The following PSORS1C1 variants were observed in gnomAD, a reference collection of about 807,000 sequenced individuals.
The protein encoded by PSORS1C1 is psoriasis susceptibility 1 candidate gene 1 protein.
PSORS1C1 carries 7 observed loss-of-function variants against 9.4 expected under a neutral mutation model. The observed-to-expected ratio is 0.75, with a 90% CI of 0.42 to 1.40. The LOEUF (loss-of-function observed/expected upper bound fraction) is 1.40. PSORS1C1 is among the 40% of genes most tolerant of loss of function. PSORS1C1 has a pLI of 0.01. For synonymous variants in PSORS1C1, 63 were observed against 69.4 expected (o/e 0.91, Z 0.46); for missense variants, 146 against 178.1 (o/e 0.82, Z 1.02).
chr6:31,117,591 T>C, intron 1 of PSORS1C1: 1 of 1,423,800 alleles, frequency 7.0e-7, no homozygotes, highest in Non-Finnish European at 9.7e-7. Flanking sequence ...CTCACCTTTC[T>C]GCCTTATCTC....
chr6:31,122,895 A>G (rs3094208), intron 1 of PSORS1C1, among the ~76,000 whole-genome samples: 66,070 of 151,866 alleles, frequency 0.44, 15,888 homozygotes, highest in African/African-American at 0.65. Flanking sequence ...CACTGGGGTA[A>G]TGAGGGGAGT....
chr6:31,138,809 G>GT, intron 5 of PSORS1C1, 30 bp downstream of exon 5: 1 of 1,613,798 alleles, frequency 6.2e-7, no homozygotes, highest in Non-Finnish European at 8.5e-7. Context: ...TCTGCACCAT[G>GT]TCCCCCACCC....
At chr6:31,132,855 A>AAAG (rs1772978922) in intron 3 of PSORS1C1, among the ~76,000 whole-genome samples, 1 of 151,878 alleles carries the variant, frequency 6.6e-6, no homozygotes, top group African/African-American at 2.4e-5. Flanking sequence ...TCTTAAAAAA[A>AAAG]AAAAAAAGTA....
chr6:31,139,738 G>T lies in PSORS1C1; in HGVS notation c.265G>T (p.Val89Phe), dbSNP rs562908100. ...AGGAAGGACACAGGAGGATATCCTGGTTCCCTCTTCCCACCCAGAGCTGTT... is the reference window on the plus strand; with the variant it reads ...AGGAAGGACACAGGAGGATATCCTGTTTCCCTCTTCCCACCCAGAGCTGTT... ...RKGRTQEDILVPSSHPELFAS... is the reference protein window; with the variant it reads ...RKGRTQEDILFPSSHPELFAS... Residue 89 changes from valine (V) to phenylalanine (F), a missense_variant, in exon 6 of 6, where the codon GTT (valine) becomes TTT (phenylalanine). Val to Phe is a conservative substitution (Grantham distance 50). Transcript: ENST00000259881. The surrounding 1 kb of genome is among the most constrained non-coding windows in gnomAD (Gnocchi z 5.2). 2.5e-6 allele frequency: 4 copies of T among 1,613,070 alleles called. No individual in the cohort carries two copies. Among genetic ancestry groups the T allele is most frequent in the Admixed American group, 1.7e-5 (1 of 60,022 alleles).
rs117951780 is a variant in PSORS1C1, at chr6:31,116,257, C to A, written c.-229+1366C>A. ...AGACATGCAAGGGTGACCAGAAGAG[C>A]TGGACTTGCTGCCACAAGGCTGAAG... On this transcript the variant is annotated intron_variant, in intron 1 of 5. Coordinates refer to ENST00000259881, the MANE Select transcript of PSORS1C1 (RefSeq NM_014068.3). 9 of 1,613,952 alleles carry A rather than the reference C, an allele frequency of 5.6e-6. No homozygotes were observed. In the Admixed American group the frequency reaches 1.2e-4, roughly 21 times the overall value.
chr6:31,138,130 C>T, intron 3 of PSORS1C1: 1 of 1,605,610 alleles, frequency 6.2e-7, no homozygotes, highest in Non-Finnish European at 8.5e-7. Flanking sequence ...ACTCCAGTTT[C>T]AGGCAGGTCT....
intron 1 of PSORS1C1, chr6:31,116,201 C>T (rs1772104187): frequency 2.5e-6 from 4 of 1,613,462 alleles, no homozygotes; most frequent in Admixed American, 1.7e-5. Context: ...GGAGAGCCAT[C>T]GGGGCCCCCA....
chr6:31,127,749 G>T (rs1249374800), intron 2 of PSORS1C1, among the ~76,000 whole-genome samples: 3 of 151,910 alleles, frequency 2.0e-5, no homozygotes, highest in African/African-American at 7.3e-5. Flanking sequence ...GGGAGGTAGA[G>T]GTTGCAGTGA....
intron 1 of PSORS1C1, among the ~76,000 whole-genome samples, chr6:31,121,766 C>CT (rs1772473750): frequency 6.6e-6 from 1 of 152,230 alleles, no homozygotes; most frequent in Non-Finnish European, 1.5e-5. Context: ...CCTGACCGCC[C>CT]TTTAAGTTCA....
intron 2 of PSORS1C1, 41 bp from the exon 3 acceptor site, chr6:31,129,528 C>T (rs1404473735): frequency 3.9e-6 from 3 of 761,002 alleles, no homozygotes; most frequent in Non-Finnish European, 7.3e-6. Flanking sequence ...TTGCCTCATG[C>T]CTCCCCCTTC....
chr6:31,117,159 G>C lies in PSORS1C1; in HGVS notation c.-229+2268G>C, dbSNP rs144038841. The C allele has an allele frequency of 9.7e-4, 1,554 of 1,606,338 alleles. 23 individuals are homozygous for C. The East Asian group carries it at 0.027, about 28-fold the overall frequency. On this transcript the variant is annotated intron_variant, in intron 1 of 5. Coordinates refer to ENST00000259881, the MANE Select transcript of PSORS1C1 (RefSeq NM_014068.3). ...AGCTGCTGCTGCTGCTCGAATGAGA[G>C]CTGCTGCTTCCCGAGTGAGAGCCGC...
In PSORS1C1 at chr6:31,139,584, C is replaced by A. The variant is rs2233945; in HGVS notation, c.168-57C>A. 234,727 of 1,564,258 alleles carry A rather than the reference C, an allele frequency of 0.15. 18,589 individuals are homozygous for A. The highest frequency in any genetic ancestry group is 0.16 in the Non-Finnish European group (188,803 of 1,148,850). On this transcript the variant is annotated intron_variant, in intron 5 of 5. Coordinates refer to ENST00000259881, the MANE Select transcript of PSORS1C1 (RefSeq NM_014068.3). This position sits in a 1 kb window ranked among gnomAD's most constrained non-coding sequence, Gnocchi z 5.2. ...CCCTGGGGCTTCGTGCTTTCCTGGG[C>A]ACTTCCCTTCCCCCATGGGATCCAG... is the stretch of plus-strand genomic sequence containing the variant.
At chr6:31,129,432 C>A in intron 2 of PSORS1C1, 137 bp from the exon 3 acceptor site, 1 of 602,542 alleles carries the variant, frequency 1.7e-6, no homozygotes, top group Non-Finnish European at 3.0e-6. Context: ...ACCATCCAGG[C>A]CCACTCAGTC....
chr6:31,129,515 C>A, intron 2 of PSORS1C1, 54 bp from the exon 3 acceptor site: 2 of 745,156 alleles, frequency 2.7e-6, no homozygotes, highest in South Asian at 1.5e-5. Context: ...CTAAAATCTC[C>A]AATTGCCTCA....
At chr6:31,126,767 G>A (rs1226052048) in intron 2 of PSORS1C1, among the ~76,000 whole-genome samples, 2 of 151,998 alleles carry the variant, frequency 1.3e-5, no homozygotes, top group Admixed American at 1.3e-4. Context: ...TGCCCACCAA[G>A]CTTTCTTCCC....
At chr6:31,126,387 G>A (rs1349984825) in intron 2 of PSORS1C1, among the ~76,000 whole-genome samples, 2 of 152,186 alleles carry the variant, frequency 1.3e-5, no homozygotes, top group Non-Finnish European at 2.9e-5. Flanking sequence ...GGTTCTGTTA[G>A]GTGCCCCCAC....
chr6:31,114,935 G>T (rs1415102803), intron 1 of PSORS1C1, 44 bp downstream of exon 1: 2 of 449,946 alleles, frequency 4.4e-6, no homozygotes, highest in Non-Finnish European at 8.9e-6. Flanking sequence ...TGGGTGGGGA[G>T]GGGAGGGGAG....
intron 1 of PSORS1C1, among the ~76,000 whole-genome samples, chr6:31,122,503 C>T (rs1042152256): frequency 1.3e-5 from 2 of 152,048 alleles, no homozygotes; most frequent in African/African-American, 4.8e-5. Flanking sequence ...CGGCTGGGCA[C>T]GGTGGCTCAC....
At position 31,134,428 on chromosome 6, in the gene PSORS1C1, G is replaced by A. The variant is rs376731652; in HGVS notation, c.14-4002G>A. 3.7e-4 allele frequency among the ~76,000 whole-genome samples: 56 copies of A among 151,906 alleles called. No homozygotes were observed. In the East Asian group the frequency reaches 8.0e-3, roughly 22 times the overall value. On this transcript the variant is annotated intron_variant, in intron 3 of 5. Coordinates refer to ENST00000259881, the MANE Select transcript of PSORS1C1 (RefSeq NM_014068.3). ...CGCCATTCTCCTGTCTCAGCCTCCC[G>A]AGTAGCTGGGACTACAGGCGCCGGC...
Sources: allele counts gnomAD v4.1 joint callset (sites outside exome capture counted in the v4.1 genomes callset), GRCh38; gene constraint gnomAD v4.1.1; non-coding constraint Gnocchi (gnomAD v3.1); transcripts MANE v1.5; gene names NCBI Gene and HGNC (gene_info 2026-07-23, HGNC 2026-07-21).